FAM178B: variants seen among roughly 807,000 people sequenced by gnomAD.
FAM178B encodes the protein protein FAM178B.
FAM178B carries 82 observed loss-of-function variants against 91.7 expected under a neutral mutation model. The observed-to-expected ratio is 0.89, with a 90% CI of 0.75 to 1.07. The LOEUF is 1.07. Ranked by LOEUF, FAM178B falls within the 50% of genes least tolerant of loss-of-function variation. The probability of loss-of-function intolerance (pLI) is 0.00; values close to 1 mark genes in which losing one functional copy is unlikely to be tolerated. For missense variants in FAM178B, 769 were observed against 846.7 expected (o/e 0.91, Z 1.14); for synonymous variants, 368 against 359.4 (o/e 1.02, Z -0.27).
intron 12 of FAM178B, among the ~76,000 whole-genome samples, chr2:96,906,883 A>C (rs571293521): frequency 2.0e-5 from 3 of 152,338 alleles, no homozygotes; most frequent in African/African-American, 7.2e-5. Context: ...AGAAGTCTGC[A>C]TCTGGGCTTC....
intron 1 of FAM178B, among the ~76,000 whole-genome samples, chr2:96,973,029 C>T (rs1414921394): frequency 6.6e-6 from 1 of 151,826 alleles, no homozygotes; most frequent in Admixed American, 6.6e-5. Context: ...CATGGTGAAA[C>T]CCGTCTCTAG....
At chr2:96,926,912 G>T (rs1184712283) in intron 9 of FAM178B, among the ~76,000 whole-genome samples, 2 of 152,214 alleles carry the variant, frequency 1.3e-5, no homozygotes, top group Non-Finnish European at 2.9e-5. Context: ...GAGGCACTGT[G>T]GGTAGCCCAG....
intron 9 of FAM178B, among the ~76,000 whole-genome samples, chr2:96,926,329 G>T (rs2081437834): frequency 6.6e-6 from 1 of 152,112 alleles, no homozygotes; most frequent in Non-Finnish European, 1.5e-5. Flanking sequence ...AAAACCAAGT[G>T]GCCAAGGCTT....
In FAM178B at chr2:96,908,999, C is replaced by T. The variant is rs1397694458; in HGVS notation, c.1563-6292G>A. Reference sequence around the variant, plus strand: ...CTCTACTAAAAATACAAAAATTAGCCGGGTGTGGTGACAGGTACCTGTAAT... The same window carrying T: ...CTCTACTAAAAATACAAAAATTAGCTGGGTGTGGTGACAGGTACCTGTAAT... On this transcript the variant is annotated intron_variant, in intron 12 of 16. Transcript: ENST00000490605. Among the ~76,000 whole-genome samples, 3 of 151,806 alleles carry T rather than the reference C, an allele frequency of 2.0e-5. 1 individual carries two copies. Among genetic ancestry groups the T allele is most frequent in the African/African-American group, 7.2e-5 (3 of 41,394 alleles).
At chr2:96,984,021 G>A (rs142894078) in intron 1 of FAM178B, among the ~76,000 whole-genome samples, 73 of 152,214 alleles carry the variant, frequency 4.8e-4, no homozygotes, top group Middle Eastern at 3.4e-3. Flanking sequence ...CCAGGCTGGA[G>A]TGTAATGGCA....
At chr2:96,897,606 T>C (rs2080848302) in intron 13 of FAM178B, among the ~76,000 whole-genome samples, 2 of 152,176 alleles carry the variant, frequency 1.3e-5, no homozygotes, top group Non-Finnish European at 1.5e-5. Context: ...TCTGTTCTCT[T>C]GCATCGCACA....
At position 96,960,524 on chromosome 2, in the gene FAM178B, AG is replaced by A. The variant is rs1187525440; in HGVS notation, c.735-85del. 1.1e-5 allele frequency: 15 copies of A among 1,426,454 alleles called. No individual in the cohort carries two copies. In the East Asian group the frequency reaches 1.5e-4, roughly 15 times the overall value. The allele number at this position is 1,426,454 out of a possible 1,614,324, so 88.4% of individuals were successfully genotyped here. A position where few individuals can be genotyped will look rare whatever the true frequency, so the allele number is the denominator to read the frequency against. ...TGGCCATTAGCCCAGGGAAGGATAGAGGGGGGCCACGGGCTCCCTGCCTTGC... is the reference window on the plus strand; with the variant it reads ...TGGCCATTAGCCCAGGGAAGGATAGAGGGGGCCACGGGCTCCCTGCCTTGC... On this transcript the variant is annotated intron_variant, in intron 5 of 16. Coordinates refer to ENST00000490605, the MANE Select transcript of FAM178B (RefSeq NM_001122646.3).
chr2:96,983,573 G>A (rs2082388604), intron 1 of FAM178B, among the ~76,000 whole-genome samples: 1 of 152,126 alleles, frequency 6.6e-6, no homozygotes, highest in Non-Finnish European at 1.5e-5. Context: ...CTACAGGTAT[G>A]TGCCACCATG....
chr2:96,919,864 G>A (rs1259153462), intron 12 of FAM178B, among the ~76,000 whole-genome samples: 2 of 152,206 alleles, frequency 1.3e-5, no homozygotes, highest in Admixed American at 1.3e-4. Context: ...AGATGGGACT[G>A]CCTGCTCAGC....
At chr2:96,960,500 G>A in intron 5 of FAM178B, 60 bp from the exon 6 acceptor site, 1 of 1,486,188 alleles carries the variant, frequency 6.7e-7, no homozygotes, top group African/African-American at 1.4e-5. Context: ...CCTGAGGCAT[G>A]GCCATTAGCC....
chr2:96,975,094 C>CAAAAAA (rs34807786), intron 1 of FAM178B, among the ~76,000 whole-genome samples: 9 of 56,256 alleles, frequency 1.6e-4, no homozygotes, highest in South Asian at 1.5e-3. Context: ...GACTCTGTCT[C>CAAAAAA]AAAAAAAAAA....
At chr2:96,931,098 G>T (rs2081532273) in intron 8 of FAM178B, among the ~76,000 whole-genome samples, 1 of 152,180 alleles carries the variant, frequency 6.6e-6, no homozygotes, top group Non-Finnish European at 1.5e-5. Context: ...TCATAAGATG[G>T]GCTGGCAGTA....
chr2:96,885,579 G>A (rs2080498012), intron 14 of FAM178B, among the ~76,000 whole-genome samples: 1 of 152,228 alleles, frequency 6.6e-6, no homozygotes, highest in African/African-American at 2.4e-5. Flanking sequence ...CCGTGGGGAG[G>A]TTATCTCAGA....
At chr2:96,954,549 C>T (rs763381511) in intron 6 of FAM178B, among the ~76,000 whole-genome samples, 1 of 149,684 alleles carries the variant, frequency 6.7e-6, no homozygotes, top group Non-Finnish European at 1.5e-5. Flanking sequence ...TTATGGGCAG[C>T]AGTCCCAGAG....
intron 12 of FAM178B, among the ~76,000 whole-genome samples, chr2:96,916,932 G>C (rs2081250367): frequency 6.6e-6 from 1 of 152,198 alleles, no homozygotes; most frequent in South Asian, 2.1e-4. Context: ...ACCAGTGAAG[G>C]CAGCCAGTAA....
chr2:96,904,489 A>T (rs541474193), intron 12 of FAM178B, among the ~76,000 whole-genome samples: 1 of 150,430 alleles, frequency 6.6e-6, no homozygotes, highest in Middle Eastern at 3.6e-3. Context: ...CTCCTACCTC[A>T]GTCTCCCAAG....
chr2:96,892,732 CCT>C (rs1321693639), intron 14 of FAM178B, among the ~76,000 whole-genome samples: 2 of 152,124 alleles, frequency 1.3e-5, no homozygotes, highest in African/African-American at 4.8e-5. Flanking sequence ...GACACTCTTT[CCT>C]CTCTCTCACC....
At chr2:96,970,874 T>A in intron 3 of FAM178B, 97 bp from the exon 4 acceptor site, 1 of 909,252 alleles carries the variant, frequency 1.1e-6, no homozygotes. Context: ...ATTTATTTTG[T>A]TTGCTTTTCT....
At chr2:96,879,933 C>T (rs1267616082) in intron 14 of FAM178B, among the ~76,000 whole-genome samples, 2 of 152,254 alleles carry the variant, frequency 1.3e-5, no homozygotes, top group African/African-American at 4.8e-5. Flanking sequence ...CTTGCCTTTG[C>T]GACTCTGTCC....
Sources: allele counts gnomAD v4.1 joint callset (sites outside exome capture counted in the v4.1 genomes callset), GRCh38; gene constraint gnomAD v4.1.1; transcripts MANE v1.5; gene names NCBI Gene and HGNC (gene_info 2026-07-23, HGNC 2026-07-21).